The following SLC35F4 variants were observed in gnomAD, a reference collection of about 807,000 sequenced individuals.
SLC35F4 encodes the protein chromosome 14 open reading frame 36.
In SLC35F4, 24 loss-of-function variants were observed where a neutral mutation model predicts 44.2. The ratio of observed to expected loss-of-function variants is 0.54; its 90% CI spans 0.39 to 0.76. SLC35F4 has a LOEUF of 0.76. Ranked by LOEUF, SLC35F4 falls within the 30% of genes least tolerant of loss-of-function variation. The pLI, the probability that SLC35F4 is intolerant of heterozygous loss-of-function variation, is 0.00. For synonymous variants in SLC35F4, 238 were observed against 223.6 expected, an observed-to-expected ratio of 1.06 and a Z score of -0.57; for missense variants, 562 against 586.1, an observed-to-expected ratio of 0.96 and a Z score of 0.42.
At chr14:57,928,226 A>AG (rs1036789838) in intron 1 of SLC35F4, among the ~76,000 whole-genome samples, 11 of 152,160 alleles carry the variant, frequency 7.2e-5, no homozygotes, top group African/African-American at 2.4e-4. Context: ...CAGCCAGTAA[A>AG]GAGCTTGCTT....
chr14:57,937,586 G>GAAAGAAAAGAAAAGAAAAGAAAAGA (rs67004414), intron 1 of SLC35F4, among the ~76,000 whole-genome samples: 5 of 114,012 alleles, frequency 4.4e-5, no homozygotes, highest in Non-Finnish European at 5.4e-5. Context: ...GAAAAGAAAA[G>GAAAGAAAAGAAAAGAAAAGAAAAGA]AAAGAAAAGA....
intron 1 of SLC35F4, among the ~76,000 whole-genome samples, chr14:57,881,174 T>C (rs909745148): frequency 9.2e-5 from 14 of 152,190 alleles, no homozygotes; most frequent in Non-Finnish European, 1.9e-4. Flanking sequence ...ACTAATGTCA[T>C]TGATTAGCTG....
chr14:57,783,693 T>A (rs1222759469), intron 1 of SLC35F4, among the ~76,000 whole-genome samples: 1 of 152,218 alleles, frequency 6.6e-6, no homozygotes, highest in East Asian at 1.9e-4. Context: ...CAGCATGGGA[T>A]GACCCTTTAA....
At chr14:57,611,410 C>G (rs76388200) in intron 1 of SLC35F4, among the ~76,000 whole-genome samples, 4,234 of 152,072 alleles carry the variant, frequency 0.028, 77 homozygotes, top group Middle Eastern at 0.051. Context: ...AATAAACTCT[C>G]TAAAGCTGTG....
intron 1 of SLC35F4, among the ~76,000 whole-genome samples, chr14:57,784,384 A>ATATAGAAAC (rs1222607187): frequency 2.0e-5 from 3 of 152,222 alleles, no homozygotes; most frequent in Non-Finnish European, 4.4e-5. Context: ...GATTAGTACC[A>ATATAGAAAC]TATAGAAACA....
intron 1 of SLC35F4, among the ~76,000 whole-genome samples, chr14:57,711,404 T>A (rs1392020298): frequency 1.3e-5 from 2 of 152,102 alleles, no homozygotes; most frequent in African/African-American, 4.8e-5. Context: ...CTGATACACA[T>A]GGGAACACTA....
At chr14:57,566,373 C>A in intron 7 of SLC35F4, 102 bp downstream of exon 7, 1 of 1,091,512 alleles carries the variant, frequency 9.2e-7, no homozygotes, top group Non-Finnish European at 1.3e-6. Context: ...AGGCAAGGAA[C>A]ATAATTCACA....
intron 1 of SLC35F4, among the ~76,000 whole-genome samples, chr14:57,936,008 T>C (rs55984942): frequency 0.079 from 12,056 of 152,288 alleles, 624 homozygotes; most frequent in Non-Finnish European, 0.12. Flanking sequence ...TATTATTAAA[T>C]TTCAATTTTG....
chr14:57,581,189 C>A, intron 4 of SLC35F4, 25 bp downstream of exon 4: 3 of 1,489,726 alleles, frequency 2.0e-6, no homozygotes, highest in Non-Finnish European at 2.7e-6. Context: ...GCAGGCATCG[C>A]GCATTGAATC....
rs1030240781 is a variant in SLC35F4, at chr14:57,752,810, C to T, written c.103+112913G>A. Among the ~76,000 whole-genome samples, 5 of 152,256 alleles carry T rather than the reference C, an allele frequency of 3.3e-5. No individual in the cohort carries two copies. The East Asian group carries it at 9.7e-4, about 30-fold the overall frequency. On this transcript the variant is annotated intron_variant, in intron 1 of 7. Coordinates refer to ENST00000556826, the MANE Select transcript of SLC35F4 (RefSeq NM_001306087.2). Reference sequence around the variant, plus strand: ...CAAAATGGTCTTCACCCATGAGGGTCTGAAACAGCCATTTCCTATTGTGTT... The same window carrying T: ...CAAAATGGTCTTCACCCATGAGGGTTTGAAACAGCCATTTCCTATTGTGTT...
intron 1 of SLC35F4, among the ~76,000 whole-genome samples, chr14:57,933,833 C>T (rs922355349): frequency 6.6e-6 from 1 of 152,108 alleles, no homozygotes; most frequent in Non-Finnish European, 1.5e-5. Flanking sequence ...CAGGAAGAAA[C>T]AGCACCAATT....
chr14:57,678,702 A>G (rs1214258540), intron 1 of SLC35F4, among the ~76,000 whole-genome samples: 1 of 151,964 alleles, frequency 6.6e-6, no homozygotes, highest in Non-Finnish European at 1.5e-5. Context: ...AAAGAAAAAA[A>G]AAAAGAAAGC....
chr14:57,654,222 G>A (rs1200267942), intron 1 of SLC35F4, among the ~76,000 whole-genome samples: 1 of 152,048 alleles, frequency 6.6e-6, no homozygotes, highest in Non-Finnish European at 1.5e-5. Flanking sequence ...GATTTCTGGG[G>A]TTTTTGTGCA....
intron 1 of SLC35F4, among the ~76,000 whole-genome samples, chr14:57,894,813 T>C (rs528893333): frequency 6.6e-6 from 1 of 152,174 alleles, no homozygotes; most frequent in Non-Finnish European, 1.5e-5. Flanking sequence ...AGAGTCTGTC[T>C]TCACAGGACC....
chr14:57,661,699 T>C (rs2074143029), intron 1 of SLC35F4, among the ~76,000 whole-genome samples: 2 of 152,190 alleles, frequency 1.3e-5, no homozygotes, highest in Admixed American at 6.6e-5. Flanking sequence ...GATGGGGTCA[T>C]AAGGGTCCCA....
intron 1 of SLC35F4, among the ~76,000 whole-genome samples, chr14:57,679,350 G>A (rs1290447168): frequency 6.6e-6 from 1 of 152,094 alleles, no homozygotes; most frequent in African/African-American, 2.4e-5. Context: ...CAGTGTACCA[G>A]AATCTCTGTG....
chr14:57,698,774 A>G (rs1249580676), intron 1 of SLC35F4, among the ~76,000 whole-genome samples: 1 of 151,826 alleles, frequency 6.6e-6, no homozygotes, highest in African/African-American at 2.4e-5. Context: ...AGTAGCTGGG[A>G]CCACAGGTGC....
intron 1 of SLC35F4, among the ~76,000 whole-genome samples, chr14:57,854,442 T>C (rs779885587): frequency 2.6e-5 from 4 of 152,208 alleles, no homozygotes; most frequent in Non-Finnish European, 5.9e-5. Context: ...GCTACATACA[T>C]AGCTAAAAAA....
In SLC35F4 at chr14:57,916,361, A is replaced by T. The variant is rs150047992; in HGVS notation, n.282+65552T>A. On this transcript the variant is annotated intron_variant and non_coding_transcript_variant, in intron 1 of 1. Coordinates refer to the SLC35F4 transcript ENST00000556568. The stretch of plus-strand genomic sequence containing the variant: ...AAATTTCAAATGAGTTTTGGTGGGG[A>T]TATTCAAACTATAGCAGTTCTTCTC... 5.0e-4 allele frequency among the ~76,000 whole-genome samples: 76 copies of T among 152,302 alleles called. 1 individual carries two copies. Among genetic ancestry groups the T allele is most frequent in the Admixed American group, 3.1e-3 (48 of 15,300 alleles).
Sources: gnomAD v4.1 joint callset for allele counts (sites outside exome capture counted in the v4.1 genomes callset) on GRCh38, gnomAD v4.1.1 for gene constraint, MANE v1.5 for transcripts, NCBI Gene and HGNC (gene_info 2026-07-23, HGNC 2026-07-21) for gene names.